RHOH: variants seen among roughly 807,000 people sequenced by gnomAD.
RHOH encodes the protein ras homolog family member H, also known as rho-related GTP-binding protein RhoH.
A neutral mutation model predicts 13.8 loss-of-function variants in RHOH; 6 were observed. That is an observed-to-expected ratio of 0.44 (90% confidence interval 0.24 to 0.86). The LOEUF is 0.86. Among genes scored for constraint, RHOH ranks in the 40% least tolerant of loss-of-function variants. The pLI, the probability that RHOH is intolerant of heterozygous loss-of-function variation, is 0.24. For missense variants in RHOH, 147 were observed against 244.5 expected (o/e 0.60, Z 2.66); for synonymous variants, 117 against 103.0 (o/e 1.14, Z -0.82).
chr4:40,196,571 T>G (rs1723156113), upstream of RHOH, among the ~76,000 whole-genome samples: 1 of 152,136 alleles, frequency 6.6e-6, no homozygotes, highest in African/African-American at 2.4e-5. Context: ...TATTTGATAG[T>G]TTTTAATGCA....
At chr4:40,239,752 C>T (rs368149200) in intron 1 of RHOH, among the ~76,000 whole-genome samples, 3 of 152,084 alleles carry the variant, frequency 2.0e-5, no homozygotes, top group Non-Finnish European at 4.4e-5. Flanking sequence ...GGTGGTGGTG[C>T]CTGTAATCCC....
intron 1 of RHOH, among the ~76,000 whole-genome samples, chr4:40,216,573 T>G (rs1317174806): frequency 6.6e-6 from 1 of 152,222 alleles, no homozygotes; most frequent in African/African-American, 2.4e-5. Flanking sequence ...CTCTGAAAAC[T>G]TTGAGGATTG....
Position 40,209,003 on chromosome 4 carries a change from T to G in RHOH, c.-331+11703T>G, listed in dbSNP as rs1314398819. Among the ~76,000 whole-genome samples, 3 of 152,140 alleles carry G rather than the reference T, an allele frequency of 2.0e-5. No individual in the cohort carries two copies. In the East Asian group the frequency reaches 5.8e-4, roughly 29 times the overall value. On this transcript the variant is annotated intron_variant, in intron 1 of 2. Transcript: ENST00000381799. ...TTACATGATTTAAAATGTTTTTCAT[T>G]TTTTCCTGTCTTTTTTATAAGTAGC...
At chr4:40,237,691 C>T (rs1728752744) in intron 1 of RHOH, among the ~76,000 whole-genome samples, 2 of 152,288 alleles carry the variant, frequency 1.3e-5, no homozygotes, top group African/African-American at 2.4e-5. Context: ...TCAGCTGCTA[C>T]CAGCACAGGT....
intron 1 of RHOH, among the ~76,000 whole-genome samples, chr4:40,226,948 C>T (rs1384127376): frequency 4.6e-5 from 7 of 152,126 alleles, no homozygotes; most frequent in African/African-American, 1.7e-4. Flanking sequence ...CACTTGAGGT[C>T]AGGAGTTCGA....
At chr4:40,227,352 G>A (rs1048066999) in intron 1 of RHOH, among the ~76,000 whole-genome samples, 6 of 152,188 alleles carry the variant, frequency 3.9e-5, no homozygotes, top group Non-Finnish European at 1.5e-5. Flanking sequence ...ATTAAGTATG[G>A]GCTATACAAT....
At chr4:40,194,448 C>T (rs533338742), upstream of RHOH, among the ~76,000 whole-genome samples, 9 of 152,202 alleles carry the variant, frequency 5.9e-5, no homozygotes, top group South Asian at 1.2e-3. Flanking sequence ...AGGCTGGTCT[C>T]GAACTCCTGA....
intron 1 of RHOH, among the ~76,000 whole-genome samples, chr4:40,220,939 C>T (rs899729583): frequency 4.6e-5 from 7 of 152,102 alleles, no homozygotes; most frequent in Non-Finnish European, 2.9e-5. Context: ...ATATTTTATC[C>T]TATTGCTATG....
chr4:40,197,515 T>C (rs2109341162), intron 1 of RHOH, among the ~76,000 whole-genome samples: 1 of 152,302 alleles, frequency 6.6e-6, no homozygotes, highest in South Asian at 2.1e-4. Flanking sequence ...TTTTGAAACA[T>C]GAAAAGTTAC....
chr4:40,199,366 TTTCCAG>T (rs1404729926), intron 1 of RHOH, among the ~76,000 whole-genome samples: 5 of 152,244 alleles, frequency 3.3e-5, no homozygotes. Context: ...CCAACATTCC[TTTCCAG>T]GGAAAGTAGG....
intron 1 of RHOH, among the ~76,000 whole-genome samples, chr4:40,219,820 G>A (rs1479490670): frequency 6.6e-6 from 1 of 152,156 alleles, no homozygotes; most frequent in Admixed American, 6.5e-5. Flanking sequence ...GAAAGACCAG[G>A]GAGAGTGTCA....
chr4:40,242,398 A>C (rs904323522), intron 1 of RHOH, among the ~76,000 whole-genome samples: 1 of 152,220 alleles, frequency 6.6e-6, no homozygotes, highest in African/African-American at 2.4e-5. Context: ...CATCTCTGAG[A>C]AGTGGTTCCT....
chr4:40,226,316 C>G (rs1004609481), intron 1 of RHOH, among the ~76,000 whole-genome samples: 1 of 151,938 alleles, frequency 6.6e-6, no homozygotes, highest in East Asian at 1.9e-4. Context: ...CACCTGAGGT[C>G]GGGAGTTCAA....
intron 1 of RHOH, among the ~76,000 whole-genome samples, chr4:40,197,856 T>A (rs1723406798): frequency 6.6e-6 from 1 of 152,176 alleles, no homozygotes; most frequent in Admixed American, 6.5e-5. Context: ...GGTGGTTTGA[T>A]TTGGAGATAT....
chr4:40,224,999 T>C (rs1334636729), intron 1 of RHOH, among the ~76,000 whole-genome samples: 4 of 152,170 alleles, frequency 2.6e-5, no homozygotes, highest in Non-Finnish European at 5.9e-5. Flanking sequence ...AGCCTTGATC[T>C]CCTGGGCTCA....
At chr4:40,199,732 C>G (rs1648727156) in intron 1 of RHOH, among the ~76,000 whole-genome samples, 1 of 152,196 alleles carries the variant, frequency 6.6e-6, no homozygotes, top group African/African-American at 2.4e-5. Flanking sequence ...GCTAGCAAGG[C>G]ACAGCTAAAA....
At chr4:40,235,602 A>AAG (rs1553860266) in intron 1 of RHOH, among the ~76,000 whole-genome samples, 1 of 147,478 alleles carries the variant, frequency 6.8e-6, no homozygotes, top group Non-Finnish European at 1.5e-5. Flanking sequence ...AAAAAAAAAA[A>AAG]AAAAAAGAAA....
intron 1 of RHOH, among the ~76,000 whole-genome samples, chr4:40,217,780 T>C (rs888784560): frequency 1.3e-4 from 19 of 151,586 alleles, no homozygotes; most frequent in African/African-American, 4.4e-4. Context: ...CCACAAGGAG[T>C]GTGTTTTCTG....
intron 1 of RHOH, among the ~76,000 whole-genome samples, chr4:40,205,028 C>T (rs1049864743): frequency 2.0e-5 from 3 of 152,030 alleles, no homozygotes; most frequent in African/African-American, 7.3e-5. Context: ...TTTGGGAGGC[C>T]GAGGCAGGCA....
Sources: allele counts gnomAD v4.1 joint callset (sites outside exome capture counted in the v4.1 genomes callset), GRCh38; gene constraint gnomAD v4.1.1; transcripts MANE v1.5; gene names NCBI Gene and HGNC (gene_info 2026-07-23, HGNC 2026-07-21).